Variants in CP observed in about 807,000 individuals in gnomAD.
CP encodes the protein ceruloplasmin.
CP carries 64 observed loss-of-function variants against 122.4 expected under a neutral mutation model. The ratio of observed to expected loss-of-function variants is 0.52; its 90% CI spans 0.43 to 0.64. The LOEUF (loss-of-function observed/expected upper bound fraction) is 0.64. Among genes scored for constraint, CP ranks in the 30% least tolerant of loss-of-function variants. The probability of loss-of-function intolerance (pLI) is 0.00; values close to 1 mark genes in which losing one functional copy is unlikely to be tolerated. For missense variants in CP, 1,167 were observed against 1,284.4 expected, an observed-to-expected ratio of 0.91 and a Z score of 1.40; for synonymous variants, 440 against 436.4, an observed-to-expected ratio of 1.01 and a Z score of -0.10.
chr3:149,220,371 C>T (rs1388351483), intron 1 of CP, among the ~76,000 whole-genome samples: 1 of 151,882 alleles, frequency 6.6e-6, no homozygotes, highest in African/African-American at 2.4e-5. Context: ...ATAAAAACCA[C>T]ATATAATTTA....
intron 1 of CP, among the ~76,000 whole-genome samples, chr3:149,214,180 A>G (rs1324535409): frequency 6.6e-6 from 1 of 152,164 alleles, no homozygotes; most frequent in Non-Finnish European, 1.5e-5. Context: ...TGAGACAGAA[A>G]GGTAGAAAAC....
At chr3:149,213,977 G>A (rs34049286) in intron 1 of CP, among the ~76,000 whole-genome samples, 3,186 of 152,180 alleles carry the variant, frequency 0.021, 120 homozygotes, top group African/African-American at 0.074. Context: ...CAAACTCCTG[G>A]GACACAACTC....
intron 18 of CP, 83 bp from the exon 19 acceptor site, chr3:149,173,813 A>G (rs1423600475): frequency 1.5e-6 from 1 of 666,110 alleles, no homozygotes; most frequent in Non-Finnish European, 2.6e-6. Flanking sequence ...ATGTATTCCA[A>G]TTTTTAATGT....
exon 6 of CP, chr3:149,162,627 A>C: frequency 6.5e-7 from 1 of 1,528,308 alleles, no homozygotes; most frequent in Non-Finnish European, 9.1e-7. Flanking sequence ...TATTCAGCCC[A>C]GCTGTCGCTT....
intron 15 of CP, among the ~76,000 whole-genome samples, chr3:149,179,341 T>G (rs867676400): frequency 1.6e-4 from 25 of 152,124 alleles, no homozygotes; most frequent in Admixed American, 8.5e-4. Context: ...TTCCCAAATA[T>G]CTTGAAAGGC....
chr3:149,213,862 T>C (rs1199855621), intron 1 of CP, among the ~76,000 whole-genome samples: 1 of 152,210 alleles, frequency 6.6e-6, no homozygotes, highest in African/African-American at 2.4e-5. Context: ...AGCTCTGGAC[T>C]TTCACTGCTA....
intron 13 of CP, among the ~76,000 whole-genome samples, chr3:149,182,456 C>T (rs1328012330): frequency 6.6e-6 from 1 of 152,036 alleles, no homozygotes; most frequent in Non-Finnish European, 1.5e-5. Context: ...TAGCTTGTCT[C>T]TTGTCTGGTA....
chr3:149,168,364 G>C (rs1235573082), downstream of CP: 1 of 206,818 alleles, frequency 4.8e-6, no homozygotes, highest in Non-Finnish European at 9.9e-6. Flanking sequence ...TTATAAGCAA[G>C]TATTGATGAA....
chr3:149,168,074 A>T, downstream of CP: 1 of 782,642 alleles, frequency 1.3e-6, no homozygotes, highest in Non-Finnish European at 2.2e-6. Context: ...GTGATTCTCA[A>T]GTGAAACCGA....
At chr3:149,166,288 T>A (rs899907114) in intron 4 of CP, among the ~76,000 whole-genome samples, 3 of 152,216 alleles carry the variant, frequency 2.0e-5, no homozygotes, top group Admixed American at 2.0e-4. Context: ...ATCACTTTAG[T>A]CTTATTAAGT....
chr3:149,170,620 T>C (rs1405559535), downstream of CP: 1 of 152,242 alleles, frequency 6.6e-6, no homozygotes, highest in Non-Finnish European at 1.5e-5. Context: ...CTGTCTGGAT[T>C]CCAGAACTAG....
intron 12 of CP, among the ~76,000 whole-genome samples, chr3:149,184,201 A>AT (rs1725997314): frequency 6.6e-6 from 1 of 151,142 alleles, no homozygotes; most frequent in East Asian, 1.9e-4. Context: ...TGCCCAGCTA[A>AT]TTTTTTGTAT....
chr3:149,212,327 A>G lies in CP; in HGVS notation c.394+124T>C, dbSNP rs1728170761. On this transcript the variant is annotated intron_variant, in intron 2 of 18. Transcript: ENST00000264613. ...AAAAAATTAAAAAAAAATAAAAAAA[A>G]AATAGTTAAGAGCTGAATGGCAGTT... 1.1e-5 allele frequency: 11 copies of G among 1,036,172 alleles called. No homozygotes were observed. The South Asian group carries it at 1.8e-4, about 17-fold the overall frequency. The allele number at this position is 1,036,172 out of a possible 1,614,324, so 64.2% of individuals were successfully genotyped here. A position where few individuals can be genotyped will look rare whatever the true frequency, so the allele number is the denominator to read the frequency against.
rs980882101 is a variant in CP, at chr3:149,172,649, ATCT to A, written c.*1062_*1064del. 15 of 153,648 alleles carry A rather than the reference ATCT, an allele frequency of 9.8e-5. No homozygotes were observed. Among genetic ancestry groups the A allele is most frequent in the African/African-American group, 3.1e-4 (13 of 41,450 alleles). 9.5% of individuals were successfully genotyped at this position (153,648 alleles called of 1,614,324 possible). A position where few individuals can be genotyped will look rare whatever the true frequency, so the allele number is the denominator to read the frequency against. ...ATGTCACTAACTGGTCCAGAATTTTATCTTCTTGATTTTTCCAGATTTCTCTAT... is the reference window on the plus strand; with the variant it reads ...ATGTCACTAACTGGTCCAGAATTTTATCTTGATTTTTCCAGATTTCTCTAT... On this transcript the variant is annotated 3_prime_UTR_variant, in exon 19 of 19. Transcript: ENST00000264613.
chr3:149,194,131 T>G (rs1205034642), intron 9 of CP, among the ~76,000 whole-genome samples: 1 of 152,182 alleles, frequency 6.6e-6, no homozygotes, highest in Non-Finnish European at 1.5e-5. Context: ...TTAATAAACA[T>G]TAGTCTTGTT....
Position 149,206,474 on chromosome 3 carries a change from G to A in CP, c.1037-135C>T, listed in dbSNP as rs1727736059. 4 of 975,102 alleles carry A rather than the reference G, an allele frequency of 4.1e-6. No individual in the cohort carries two copies. In the African/African-American group the frequency reaches 6.5e-5, roughly 16 times the overall value. 60.4% of individuals were successfully genotyped at this position (975,102 alleles called of 1,614,324 possible). A position where few individuals can be genotyped will look rare whatever the true frequency, so the allele number is the denominator to read the frequency against. The stretch of plus-strand genomic sequence containing the variant: ...GATAGCAACAGTACTATAAACTAGG[G>A]CAGACAGCTGTAAATAAATTAATGA... On this transcript the variant is annotated intron_variant, in intron 5 of 18. Transcript: ENST00000264613.
At chr3:149,194,767 G>T (rs1323033827) in intron 9 of CP, among the ~76,000 whole-genome samples, 1 of 152,084 alleles carries the variant, frequency 6.6e-6, no homozygotes, top group African/African-American at 2.4e-5. Context: ...TTATACATTT[G>T]AAACAATCCC....
rs1448972852 is a variant in CP at position 149,185,477 on chromosome 3, T to C, written c.2078-31A>G. 11 of 1,602,804 alleles carry C rather than the reference T, an allele frequency of 6.9e-6. No homozygotes were observed. The South Asian group carries it at 1.2e-4, about 18-fold the overall frequency. ...GTGGTAAATAAGAAAACATGTCACT[T>C]CTTTGCTAGTGCCCTCTGGGGCTCT... is the stretch of plus-strand genomic sequence containing the variant. On this transcript the variant is annotated intron_variant, in intron 11 of 18. Coordinates refer to ENST00000264613, the MANE Select transcript of CP (RefSeq NM_000096.4).
At chr3:149,210,084 A>C in intron 3 of CP, 83 bp downstream of exon 3, 3 of 1,368,928 alleles carry the variant, frequency 2.2e-6, no homozygotes, top group Non-Finnish European at 3.1e-6. Flanking sequence ...CTCAGCACAG[A>C]AGACTTGATT....
Sources: allele counts gnomAD v4.1 joint callset (sites outside exome capture counted in the v4.1 genomes callset), GRCh38; gene constraint gnomAD v4.1.1; transcripts MANE v1.5; gene names NCBI Gene and HGNC (gene_info 2026-07-23, HGNC 2026-07-21).